MITF: variants seen among roughly 807,000 people sequenced by gnomAD.
MITF encodes the protein microphthalmia-associated transcription factor.
Under a neutral mutation model 60.5 loss-of-function variants are expected in MITF, and 17 were observed. The ratio of observed to expected loss-of-function variants is 0.28; its 90% CI spans 0.19 to 0.42. MITF has a LOEUF of 0.42. Ranked by LOEUF, MITF falls within the 10% of genes least tolerant of loss-of-function variation. MITF has a pLI of 1.00. For missense variants in MITF, 622 were observed against 683.5 expected (o/e 0.91, Z 1.00); for synonymous variants, 260 against 248.5 (o/e 1.05, Z -0.43).
intron 2 of MITF, chr3:69,936,699 A>G (rs1490823090): frequency 6.2e-7 from 1 of 1,613,412 alleles, no homozygotes; most frequent in African/African-American, 1.3e-5. Context: ...CTCTCACTGG[A>G]TTGGTGCCAC....
chr3:69,784,158 T>G (rs972088086), intron 1 of MITF, among the ~76,000 whole-genome samples: 1 of 151,570 alleles, frequency 6.6e-6, no homozygotes, highest in Non-Finnish European at 1.5e-5. Flanking sequence ...AAGAGTTGCT[T>G]TTTGTTTTGT....
chr3:69,846,395 A>G (rs753931092), intron 1 of MITF, among the ~76,000 whole-genome samples: 2 of 152,212 alleles, frequency 1.3e-5, no homozygotes, highest in African/African-American at 2.4e-5. Flanking sequence ...CTAAGATTCT[A>G]TGTAGAAGAA....
chr3:69,773,279 G>C (rs2062421332), intron 1 of MITF, among the ~76,000 whole-genome samples: 1 of 152,178 alleles, frequency 6.6e-6, no homozygotes, highest in Non-Finnish European at 1.5e-5. Flanking sequence ...GGTGGGGTCA[G>C]TGAAGGAATG....
intron 2 of MITF, chr3:69,936,869 C>T (rs2065848473): frequency 6.8e-6 from 6 of 883,424 alleles, no homozygotes; most frequent in Middle Eastern, 2.6e-4. Context: ...TAAATCTGCT[C>T]TTTTAATGCT....
At chr3:69,884,791 T>C (rs1190340265) in intron 2 of MITF, among the ~76,000 whole-genome samples, 1 of 152,160 alleles carries the variant, frequency 6.6e-6, no homozygotes, top group Non-Finnish European at 1.5e-5. Flanking sequence ...TTTTAGTGAC[T>C]AGTAGCTAGT....
At chr3:69,933,791 A>G (rs1646322045) in intron 2 of MITF, among the ~76,000 whole-genome samples, 1 of 152,180 alleles carries the variant, frequency 6.6e-6, no homozygotes, top group Admixed American at 6.5e-5. Flanking sequence ...TTATCAGGAA[A>G]TCATAAAGAT....
intron 2 of MITF, among the ~76,000 whole-genome samples, chr3:69,932,272 T>C (rs2065740957): frequency 6.6e-6 from 1 of 152,224 alleles, no homozygotes; most frequent in South Asian, 2.1e-4. Context: ...GGAGCCGCCC[T>C]GGACAACATG....
At chr3:69,921,317 A>G (rs1047220953) in intron 2 of MITF, among the ~76,000 whole-genome samples, 2 of 152,246 alleles carry the variant, frequency 1.3e-5, no homozygotes, top group Non-Finnish European at 2.9e-5. Flanking sequence ...TTTATCAGAC[A>G]TAAGAGACTT....
chr3:69,937,729 C>T, intron 2 of MITF, 93 bp from the exon 3 acceptor site: 2 of 991,874 alleles, frequency 2.0e-6, no homozygotes, highest in Non-Finnish European at 3.2e-6. Flanking sequence ...CTGTTGGTGG[C>T]CTGGTCAGTT....
intron 1 of MITF, among the ~76,000 whole-genome samples, chr3:69,840,156 T>C (rs984224536): frequency 6.6e-6 from 1 of 152,214 alleles, no homozygotes; most frequent in Non-Finnish European, 1.5e-5. Flanking sequence ...TCCTAGACCT[T>C]ACTTCTGGTC....
intron 1 of MITF, among the ~76,000 whole-genome samples, chr3:69,766,865 G>C (rs182658069): frequency 4.6e-5 from 7 of 152,260 alleles, no homozygotes; most frequent in Middle Eastern, 3.4e-3. Context: ...ACTCACCGTA[G>C]ATACAAGAGT....
At chr3:69,797,309 A>G (rs1158831873) in intron 1 of MITF, among the ~76,000 whole-genome samples, 1 of 152,106 alleles carries the variant, frequency 6.6e-6, no homozygotes, top group Non-Finnish European at 1.5e-5. Flanking sequence ...GAGGTATTTT[A>G]TTTTTTGTCT....
intron 2 of MITF, among the ~76,000 whole-genome samples, chr3:69,921,794 G>C (rs905008766): frequency 1.3e-5 from 2 of 152,156 alleles, no homozygotes; most frequent in African/African-American, 4.8e-5. Context: ...AGTCGGGAAG[G>C]AAATTGGCAC....
chr3:69,761,006 A>G (rs571375814), intron 1 of MITF, among the ~76,000 whole-genome samples: 1 of 152,358 alleles, frequency 6.6e-6, no homozygotes, highest in South Asian at 2.1e-4. Context: ...CAGATAGATC[A>G]CACAATTTAG....
chr3:69,962,166 T>C (rs991501335), intron 9 of MITF, among the ~76,000 whole-genome samples: 1 of 152,240 alleles, frequency 6.6e-6, no homozygotes, highest in Non-Finnish European at 1.5e-5. Context: ...AATCTGCCTG[T>C]GTGGAGGTAC....
intron 1 of MITF, among the ~76,000 whole-genome samples, chr3:69,786,918 A>G (rs1348741433): frequency 6.6e-6 from 1 of 152,178 alleles, no homozygotes; most frequent in Non-Finnish European, 1.5e-5. Flanking sequence ...TGGATTGACC[A>G]TAGGCCTGGA....
chr3:69,806,006 G>A (rs2106970215), intron 1 of MITF, among the ~76,000 whole-genome samples: 1 of 152,042 alleles, frequency 6.6e-6, no homozygotes, highest in South Asian at 2.1e-4. Context: ...TTATGACTTA[G>A]TCCATTTAAT....
At chr3:69,858,359 A>G (rs1449284598) in intron 1 of MITF, among the ~76,000 whole-genome samples, 1 of 152,152 alleles carries the variant, frequency 6.6e-6, no homozygotes, top group Non-Finnish European at 1.5e-5. Flanking sequence ...TGCTCAGCAT[A>G]ACTGTAACAG....
At chr3:69,824,359 G>A (rs1173477351) in intron 1 of MITF, among the ~76,000 whole-genome samples, 2 of 152,124 alleles carry the variant, frequency 1.3e-5, no homozygotes, top group African/African-American at 4.8e-5. Flanking sequence ...GCATGCATAT[G>A]GGGTGTTGGA....
Sources: allele counts gnomAD v4.1 joint callset (sites outside exome capture counted in the v4.1 genomes callset), GRCh38; gene constraint gnomAD v4.1.1; transcripts MANE v1.5; gene names NCBI Gene and HGNC (gene_info 2026-07-23, HGNC 2026-07-21).